TARDBP: variants seen among roughly 807,000 people sequenced by gnomAD.
TARDBP encodes the protein TAR DNA binding protein.
TARDBP carries 4 observed loss-of-function variants against 38.3 expected under a neutral mutation model. The observed-to-expected ratio is 0.10, with a 90% confidence interval of 0.05 to 0.24. The LOEUF is 0.24. Among genes scored for constraint, TARDBP ranks in the 10% least tolerant of loss-of-function variants. The pLI is 1.00. For synonymous variants in TARDBP, 184 were observed against 183.8 expected, an observed-to-expected ratio of 1.00 and a Z score of -0.01; for missense variants, 202 against 521.9, an observed-to-expected ratio of 0.39 and a Z score of 5.97.
At chr1:11,026,758 T>G, downstream of TARDBP, 1 of 720,580 alleles carries the variant, frequency 1.4e-6, no homozygotes, top group Non-Finnish European at 2.1e-6. Flanking sequence ...ACCTGGAGTC[T>G]GTTTTTTTGG....
chr1:11,027,133 G>A (rs762309624), downstream of TARDBP: 2 of 1,612,846 alleles, frequency 1.2e-6, no homozygotes, highest in South Asian at 2.2e-5. Flanking sequence ...GGATAGGGTG[G>A]CTTTTCATAT....
rs1643580072 is a variant in TARDBP, at chr1:11,018,857, A to G, written c.527A>G (p.Lys176Arg). The G allele has an allele frequency of 2.5e-6, 4 of 1,614,146 alleles. No homozygotes were observed. Among genetic ancestry groups the G allele is most frequent in the Non-Finnish European group, 8.5e-7 (1 of 1,180,032 alleles). The change falls in exon 4 of 6, where the codon AAA (lysine) becomes AGA (arginine). Residue 176 changes from lysine (K) to arginine (R), a missense_variant. Lys to Arg is a conservative substitution (Grantham distance 26). This residue lies in a region of TARDBP where 71 missense variants were observed against 185.4 expected (regional missense o/e 0.38). Transcript: ENST00000240185. ...ATAGATGGACGATGGTGTGACTGCA[A>G]ACTTCCTAATTCTAAGGTACTTGCG... ...HMIDGRWCDC[K>R]LPNSKQSQDE...
intron 5 of TARDBP, among the ~76,000 whole-genome samples, chr1:11,021,360 C>T (rs558636118): frequency 1.3e-5 from 2 of 151,988 alleles, no homozygotes; most frequent in South Asian, 2.1e-4. Flanking sequence ...AGGCTGGTCT[C>T]GAACTCCTGA....
rs148414479 is a variant in TARDBP at position 11,022,862 on chromosome 1, G to A, written c.*208G>A. 0.036 allele frequency: 48,855 copies of A among 1,369,226 alleles called. 1,004 individuals carry two copies. Among genetic ancestry groups the A allele is most frequent in the Non-Finnish European group, 0.041 (43,911 of 1,062,504 alleles). The allele number at this position is 1,369,226 out of a possible 1,614,324, so 84.8% of individuals were successfully genotyped here. A position where few individuals can be genotyped will look rare whatever the true frequency, so the allele number is the denominator to read the frequency against. On this transcript the variant is annotated 3_prime_UTR_variant, in exon 6 of 6. Coordinates refer to ENST00000240185, the MANE Select transcript of TARDBP (RefSeq NM_007375.4). This position sits in a 1 kb window ranked among gnomAD's most constrained non-coding sequence, Gnocchi z 4.5. ...TATAAGTTTTGTTACATGAAAGGTTGAAATATTGAGTGGTTGAAAGTGAAC... is the reference window on the plus strand; with the variant it reads ...TATAAGTTTTGTTACATGAAAGGTTAAAATATTGAGTGGTTGAAAGTGAAC...
downstream of TARDBP, among the ~76,000 whole-genome samples, chr1:11,029,290 A>G (rs1479048004): frequency 6.7e-6 from 1 of 149,260 alleles, no homozygotes; most frequent in Admixed American, 6.7e-5. Context: ...GTGAGCCACC[A>G]TGCCTGGCCC....
At chr1:11,027,035 C>T (rs764474017), downstream of TARDBP, 1 of 1,596,266 alleles carries the variant, frequency 6.3e-7, no homozygotes, top group Non-Finnish European at 8.5e-7. Flanking sequence ...CTAGAAACAC[C>T]AGTGCCCCTC....
At position 11,020,437 on chromosome 1, in the gene TARDBP, A is replaced by G. The variant is rs1239177694; in HGVS notation, c.552A>G (p.Gln184=). The G allele has an allele frequency of 1.2e-6, 2 of 1,614,150 alleles. No individual in the cohort carries two copies. The highest frequency in any genetic ancestry group is 1.7e-6 in the Non-Finnish European group (2 of 1,180,026). Residue 184 remains glutamine (Q), a synonymous_variant, in exon 5 of 6, where the codon CAA becomes CAG. Coordinates refer to ENST00000240185, the MANE Select transcript of TARDBP (RefSeq NM_007375.4). Reference sequence around the variant, plus strand: ...CCTTTTGATTTGATCAGCAAAGCCAAGATGAGCCTTTGAGAAGCAGAAAAG... The same window carrying G: ...CCTTTTGATTTGATCAGCAAAGCCAGGATGAGCCTTTGAGAAGCAGAAAAG... ...DCKLPNSKQS[Q]DEPLRSRKVF...
At chr1:11,014,106 GA>G in intron 2 of TARDBP, 141 bp downstream of exon 2, 1 of 858,794 alleles carries the variant, frequency 1.2e-6, no homozygotes, top group South Asian at 1.3e-5. Flanking sequence ...GACAAGTTTG[GA>G]AGACCACGAG....
Position 11,023,230 on chromosome 1 carries a change from A to G in TARDBP, c.*576A>G, listed in dbSNP as rs1243216120. On this transcript the variant is annotated 3_prime_UTR_variant, in exon 6 of 6. Transcript: ENST00000240185. ...CAAATGTTTATGGAAGAAGCACTTC[A>G]TTGAAAGTAGTGCTGTAAATATTCT... is the stretch of plus-strand genomic sequence containing the variant. 15 of 1,550,414 alleles carry G rather than the reference A, an allele frequency of 9.7e-6. No homozygotes were observed. The highest frequency in any genetic ancestry group is 1.3e-5 in the Non-Finnish European group (15 of 1,146,862).
In TARDBP at chr1:11,023,276, A is replaced by T; in HGVS notation, c.*622A>T. The T allele has an allele frequency of 6.5e-7, 1 of 1,546,960 alleles. No homozygotes were observed. The highest frequency in any genetic ancestry group is 1.7e-4 in the Middle Eastern group (1 of 5,972). ...ATTCTGCCATAGGAATACTGTCTAC[A>T]TGCTTTCTCATTCAAGAATTCGTCA... On this transcript the variant is annotated 3_prime_UTR_variant, in exon 6 of 6. Transcript: ENST00000240185.
chr1:11,018,792 A>G lies in TARDBP; in HGVS notation c.462A>G (p.Glu154=). 1.2e-6 allele frequency: 2 copies of G among 1,614,188 alleles called. No individual in the cohort carries two copies. Among genetic ancestry groups the G allele is most frequent in the Non-Finnish European group, 1.7e-6 (2 of 1,180,030 alleles). The change falls in exon 4 of 6, where the codon GAA becomes GAG. Residue 154 remains glutamate (E), a synonymous_variant. Transcript: ENST00000240185. The stretch of plus-strand genomic sequence containing the variant: ...GGTTTGGCTTTGTTCGTTTTACGGA[A>G]TATGAAACACAAGTGAAAGTAATGT... ...SKGFGFVRFT[E]YETQVKVMSQ...
Position 11,023,147 on chromosome 1 carries a change from CT to C in TARDBP, c.*494del, listed in dbSNP as rs1211685302. On this transcript the variant is annotated 3_prime_UTR_variant, in exon 6 of 6. Transcript: ENST00000240185. ...TTTTGTTTTTTAACACTTGTCTCCC[CT>C]CATACACAAAAGTACAATATGAAGC... 3 of 1,546,298 alleles carry C rather than the reference CT, an allele frequency of 1.9e-6. No homozygotes were observed. The highest frequency in any genetic ancestry group is 2.6e-6 in the Non-Finnish European group (3 of 1,143,912).
At position 11,022,474 on chromosome 1, in the gene TARDBP, C is replaced by T. The variant is rs1643659596; in HGVS notation, c.1065C>T (p.Asn355=). Residue 355 remains asparagine (N), a synonymous_variant, in exon 6 of 6, where the codon AAC becomes AAT. Coordinates refer to ENST00000240185, the MANE Select transcript of TARDBP (RefSeq NM_007375.4). The surrounding 1 kb of genome is among the most constrained non-coding windows in gnomAD (Gnocchi z 4.5). ...CAGGCCCATCGGGTAATAACCAAAACCAAGGCAACATGCAGAGGGAGCCAA... is the reference window on the plus strand; with the variant it reads ...CAGGCCCATCGGGTAATAACCAAAATCAAGGCAACATGCAGAGGGAGCCAA... ...NQSGPSGNNQ[N]QGNMQREPNQ... is the part of the protein sequence containing the mutation. The T allele has an allele frequency of 1.9e-6, 3 of 1,608,660 alleles. No individual in the cohort carries two copies. In the South Asian group the frequency reaches 3.3e-5, roughly 18 times the overall value.
chr1:11,013,164 G>GGGGCTC, intron 1 of TARDBP, among the ~76,000 whole-genome samples: 1 of 152,360 alleles, frequency 6.6e-6, no homozygotes, highest in East Asian at 1.9e-4. Flanking sequence ...CGCGGGCCTT[G>GGGGCTC]GGGCTCGGGC....
chr1:11,028,725 T>G (rs796184130), downstream of TARDBP, among the ~76,000 whole-genome samples: 1,658 of 150,246 alleles, frequency 0.011, 52 homozygotes, highest in African/African-American at 0.035. Flanking sequence ...TTTTTTTTTT[T>G]TTTTTTGAGA....
rs1643691679 is a variant in TARDBP at position 11,024,350 on chromosome 1, C to T, written c.*1696C>T. On this transcript the variant is annotated 3_prime_UTR_variant, in exon 6 of 6. Coordinates refer to ENST00000240185, the MANE Select transcript of TARDBP (RefSeq NM_007375.4). The stretch of plus-strand genomic sequence containing the variant: ...CACCTAAAATGGTAAGCAGTACCCT[C>T]CGGCTTTTTCTTAGTGCCTCTGTGC... The T allele has an allele frequency of 6.6e-6, 1 of 152,342 alleles. No homozygotes were observed. The highest frequency in any genetic ancestry group is 2.1e-4 in the South Asian group (1 of 4,826). The allele number at this position is 152,342 out of a possible 1,614,324, so 9.4% of individuals were successfully genotyped here.
chr1:11,016,289 A>C (rs1009512403), intron 2 of TARDBP: 1 of 152,674 alleles, frequency 6.5e-6, no homozygotes, highest in African/African-American at 2.4e-5. Context: ...TTCTTTTTTG[A>C]AATTAGAGAT....
intron 1 of TARDBP, among the ~76,000 whole-genome samples, chr1:11,013,218 C>T (rs1053483763): frequency 1.3e-5 from 2 of 152,234 alleles, no homozygotes; most frequent in African/African-American, 2.4e-5. Context: ...CAGAGGGAAA[C>T]TTTTCTCCTG....
chr1:11,029,728 A>T (rs1020843428), downstream of TARDBP: 1 of 130,482 alleles, frequency 7.7e-6, no homozygotes, highest in African/African-American at 3.0e-5. Context: ...CGCAACCTCC[A>T]CCACCTGGGT....
Sources: gnomAD v4.1 joint callset for allele counts (sites outside exome capture counted in the v4.1 genomes callset) on GRCh38, gnomAD v4.1.1 for gene constraint, gnomAD v4.1.1 regional missense constraint, Gnocchi (gnomAD v3.1) non-coding constraint, MANE v1.5 for transcripts, NCBI Gene and HGNC (gene_info 2026-07-23, HGNC 2026-07-21) for gene names.